The following MAST4 variants were observed in gnomAD, a reference collection of about 807,000 sequenced individuals.
MAST4 encodes microtubule-associated serine/threonine-protein kinase 4.
A neutral mutation model predicts 162.7 loss-of-function variants in MAST4; 89 were observed. That is an observed-to-expected ratio of 0.55 (90% CI 0.46 to 0.65). MAST4 has a LOEUF of 0.65. Among genes scored for constraint, MAST4 ranks in the 30% least tolerant of loss-of-function variants. The pLI is 0.00. For synonymous variants in MAST4, 1,479 were observed against 1,361.1 expected, an observed-to-expected ratio of 1.09 and a Z score of -1.91; for missense variants, 3,153 against 3,374.0, an observed-to-expected ratio of 0.93 and a Z score of 1.62.
At chr5:66,915,402 TAGTC>T (rs1764047444) in intron 4 of MAST4, among the ~76,000 whole-genome samples, 1 of 152,158 alleles carries the variant, frequency 6.6e-6, no homozygotes, top group Non-Finnish European at 1.5e-5. Flanking sequence ...GATAAGAAAT[TAGTC>T]TGTGGGACTC....
chr5:66,919,455 A>G (rs1764337278), intron 4 of MAST4, among the ~76,000 whole-genome samples: 3 of 151,878 alleles, frequency 2.0e-5, no homozygotes, highest in South Asian at 4.2e-4. Context: ...AAGGTCAGGA[A>G]TTTGTGACCA....
intron 3 of MAST4, among the ~76,000 whole-genome samples, chr5:66,874,017 A>G (rs1295531280): frequency 6.6e-6 from 1 of 152,150 alleles, no homozygotes; most frequent in Non-Finnish European, 1.5e-5. Context: ...TCTTTGTCTT[A>G]GAAAGCCTTT....
intron 4 of MAST4, among the ~76,000 whole-genome samples, chr5:67,015,758 A>G (rs1299505663): frequency 6.6e-6 from 1 of 152,208 alleles, no homozygotes; most frequent in Non-Finnish European, 1.5e-5. Flanking sequence ...AACCTCTGAA[A>G]CATGGGAAGT....
chr5:66,739,424 T>G (rs1020111340), intron 1 of MAST4, among the ~76,000 whole-genome samples: 14 of 151,796 alleles, frequency 9.2e-5, no homozygotes, highest in African/African-American at 3.4e-4. Context: ...CACAAAGGGG[T>G]AGAAATAGGT....
At chr5:66,849,359 T>C (rs566546632) in intron 3 of MAST4, among the ~76,000 whole-genome samples, 1 of 152,312 alleles carries the variant, frequency 6.6e-6, no homozygotes, top group East Asian at 1.9e-4. Context: ...TCTCTCCGTT[T>C]GTTGGCTGGT....
At chr5:66,800,658 A>G (rs1314708512) in intron 3 of MAST4, among the ~76,000 whole-genome samples, 2 of 152,186 alleles carry the variant, frequency 1.3e-5, no homozygotes, top group African/African-American at 2.4e-5. Flanking sequence ...AGGTTTACCT[A>G]TGTAACAAAC....
intron 4 of MAST4, among the ~76,000 whole-genome samples, chr5:66,955,235 C>T (rs1745167115): frequency 6.8e-6 from 1 of 147,602 alleles, no homozygotes; most frequent in African/African-American, 2.6e-5. Context: ...AAAAGAAACA[C>T]TAGATGAGGG....
At chr5:66,732,619 C>T (rs995078639) in intron 1 of MAST4, among the ~76,000 whole-genome samples, 2 of 152,116 alleles carry the variant, frequency 1.3e-5, no homozygotes, top group African/African-American at 2.4e-5. Flanking sequence ...CTGGTGCCTG[C>T]GATATGTAGG....
intron 4 of MAST4, among the ~76,000 whole-genome samples, chr5:66,908,493 C>T (rs1763531299): frequency 1.3e-5 from 2 of 152,006 alleles, no homozygotes; most frequent in Admixed American, 6.6e-5. Context: ...ATCTAAAATG[C>T]CATTCCCAGT....
chr5:66,674,352 C>T (rs1016512213), intron 1 of MAST4, among the ~76,000 whole-genome samples: 1 of 152,142 alleles, frequency 6.6e-6, no homozygotes, highest in Non-Finnish European at 1.5e-5. Context: ...TCTGGACCCT[C>T]GTGGGCAAAG....
At chr5:66,790,426 T>C (rs1163405446) in intron 3 of MAST4, among the ~76,000 whole-genome samples, 1 of 152,246 alleles carries the variant, frequency 6.6e-6, no homozygotes, top group Non-Finnish European at 1.5e-5. Context: ...TAATTTTGAA[T>C]GTGTGAAATA....
At chr5:66,707,067 T>C (rs1229308756) in intron 1 of MAST4, among the ~76,000 whole-genome samples, 1 of 152,062 alleles carries the variant, frequency 6.6e-6, no homozygotes, top group Non-Finnish European at 1.5e-5. Context: ...CTGTCTTCTG[T>C]CCCTTAACCT....
Position 66,756,130 on chromosome 5 carries a change from T to C in MAST4, c.364-3579T>C, listed in dbSNP as rs183747245. Among the ~76,000 whole-genome samples the C allele has an allele frequency of 2.6e-5, 4 of 152,330 alleles. No individual in the cohort carries two copies. The East Asian group carries it at 7.7e-4, about 29-fold the overall frequency. ...GCTAGCAAGAGCGGGTGTACATCCC[T>C]CACTTGTAGGTGGTGTCCTGTGCCC... On this transcript the variant is annotated intron_variant, in intron 1 of 28. Transcript: ENST00000403625.
intron 3 of MAST4, among the ~76,000 whole-genome samples, chr5:66,812,469 G>A (rs908201880): frequency 6.6e-6 from 1 of 152,198 alleles, no homozygotes; most frequent in Admixed American, 6.5e-5. Context: ...TAGAGAGGTG[G>A]GTTATCTTGC....
At chr5:66,767,001 G>C (rs926214025) in intron 2 of MAST4, among the ~76,000 whole-genome samples, 1 of 152,122 alleles carries the variant, frequency 6.6e-6, no homozygotes, top group Non-Finnish European at 1.5e-5. Context: ...TTCTGGTTTT[G>C]CTCTTCTTAA....
chr5:66,651,309 C>CA (rs201777188), intron 1 of MAST4, among the ~76,000 whole-genome samples: 2 of 152,092 alleles, frequency 1.3e-5, no homozygotes, highest in East Asian at 3.9e-4. Context: ...ATTATAGATG[C>CA]AGATTTTCAT....
intron 3 of MAST4, chr5:66,828,917 G>A (rs1482812678): frequency 1.3e-6 from 2 of 1,517,842 alleles, no homozygotes; most frequent in Non-Finnish European, 1.8e-6. Flanking sequence ...ATGTAGCATT[G>A]TCAGTGGCCA....
chr5:66,707,621 T>C (rs1750219755), intron 1 of MAST4, among the ~76,000 whole-genome samples: 1 of 152,140 alleles, frequency 6.6e-6, no homozygotes, highest in South Asian at 2.1e-4. Context: ...TTTCCTCTTC[T>C]TATAAGAACA....
At chr5:66,986,568 C>A in intron 4 of MAST4, 2 of 703,190 alleles carry the variant, frequency 2.8e-6, no homozygotes, top group Non-Finnish European at 4.0e-6. Context: ...TCCATATAGA[C>A]ATATATATAT....
Sources: allele counts gnomAD v4.1 joint callset (sites outside exome capture counted in the v4.1 genomes callset), GRCh38; gene constraint gnomAD v4.1.1; transcripts MANE v1.5; gene names NCBI Gene and HGNC (gene_info 2026-07-23, HGNC 2026-07-21).